PPP6R3: variants seen among roughly 807,000 people sequenced by gnomAD.
The protein encoded by PPP6R3 is serine/threonine-protein phosphatase 6 regulatory subunit 3.
In PPP6R3, 38 loss-of-function variants were observed where a neutral mutation model predicts 110.7. The observed-to-expected ratio is 0.34, with a 90% CI of 0.26 to 0.45. The LOEUF (loss-of-function observed/expected upper bound fraction) is 0.45, where lower values mean the gene tolerates loss of function less well. Among genes scored for constraint, PPP6R3 ranks in the 20% least tolerant of loss-of-function variants. The pLI is 1.00. For synonymous variants in PPP6R3, 369 were observed against 373.5 expected (o/e 0.99, Z 0.14); for missense variants, 870 against 1,062.4 (o/e 0.82, Z 2.52).
At chr11:68,595,496 G>A (rs189858331) in intron 18 of PPP6R3, among the ~76,000 whole-genome samples, 7 of 152,114 alleles carry the variant, frequency 4.6e-5, no homozygotes, top group South Asian at 2.1e-4. Flanking sequence ...GATTACAGGC[G>A]TGAGCCACCA....
intron 1 of PPP6R3, among the ~76,000 whole-genome samples, chr11:68,509,385 G>A (rs900310945): frequency 4.6e-5 from 7 of 151,838 alleles, no homozygotes; most frequent in African/African-American, 1.5e-4. Flanking sequence ...CTTCAACCGT[G>A]CTTGTCTGAC....
rs891639598 is a variant in PPP6R3, at chr11:68,509,809, G to A, written c.-157-9692G>A. On this transcript the variant is annotated intron_variant, in intron 1 of 23. Transcript: ENST00000393800. ...TCGTTGCCCAGTTTGGAGTGCAATG[G>A]CACAATCTCGGCCCACTGCAACCCT... Among the ~76,000 whole-genome samples, 3 of 140,286 alleles carry A rather than the reference G, an allele frequency of 2.1e-5. No homozygotes were observed. The Admixed American group carries it at 2.4e-4, about 11-fold the overall frequency. The allele number at this position is 140,286 out of a possible 152,430, so 92.0% of individuals were successfully genotyped here.
intron 12 of PPP6R3, among the ~76,000 whole-genome samples, chr11:68,573,691 C>T (rs775063885): frequency 6.6e-6 from 1 of 152,060 alleles, no homozygotes; most frequent in African/African-American, 2.4e-5. Context: ...AGAAAATGAA[C>T]CAGCAGAATT....
At chr11:68,462,852 G>A (rs2098718062) in intron 1 of PPP6R3, among the ~76,000 whole-genome samples, 1 of 152,266 alleles carries the variant, frequency 6.6e-6, no homozygotes, top group East Asian at 1.9e-4. Flanking sequence ...TGTTTTGATG[G>A]ACTCAGTCTT....
intron 15 of PPP6R3, chr11:68,587,188 C>G (rs867490689): frequency 3.4e-5 from 5 of 145,656 alleles, no homozygotes; most frequent in Non-Finnish European, 7.6e-5. Context: ...CCCCCCCCCC[C>G]ACATTTTCAA....
At chr11:68,551,266 A>G in intron 6 of PPP6R3, 80 bp downstream of exon 6, 3 of 1,049,014 alleles carry the variant, frequency 2.9e-6, no homozygotes, top group Non-Finnish European at 4.3e-6. Flanking sequence ...GCATACTTAT[A>G]TTAAATGTGA....
At chr11:68,569,412 C>G (rs530779078) in intron 10 of PPP6R3, among the ~76,000 whole-genome samples, 1 of 152,220 alleles carries the variant, frequency 6.6e-6, no homozygotes, top group East Asian at 1.9e-4. Flanking sequence ...ATAAATTAAG[C>G]ACAGGAAGAG....
At chr11:68,475,658 G>A (rs1350300346) in intron 1 of PPP6R3, among the ~76,000 whole-genome samples, 21 of 146,830 alleles carry the variant, frequency 1.4e-4, no homozygotes, top group South Asian at 2.2e-4. Context: ...CCTCCCGGAC[G>A]GGGCGGCTGG....
intron 1 of PPP6R3, among the ~76,000 whole-genome samples, chr11:68,473,807 C>G (rs1023146834): frequency 1.3e-5 from 2 of 152,102 alleles, no homozygotes; most frequent in African/African-American, 2.4e-5. Flanking sequence ...TTATTTTTGT[C>G]TCTTTATTAC....
At chr11:68,583,531 C>G (rs542606252) in intron 15 of PPP6R3, among the ~76,000 whole-genome samples, 1 of 152,168 alleles carries the variant, frequency 6.6e-6, no homozygotes, top group Non-Finnish European at 1.5e-5. Flanking sequence ...TAAACTCTCA[C>G]GAATACCCCT....
intron 8 of PPP6R3, among the ~76,000 whole-genome samples, chr11:68,560,749 T>G (rs1380831129): frequency 6.6e-6 from 1 of 152,206 alleles, no homozygotes; most frequent in Non-Finnish European, 1.5e-5. Flanking sequence ...TATTTGTTCC[T>G]CTGTATCTGC....
intron 6 of PPP6R3, among the ~76,000 whole-genome samples, 198 bp from the exon 7 acceptor site, chr11:68,553,947 G>A (rs772857711): frequency 7.9e-5 from 12 of 152,234 alleles, no homozygotes; most frequent in Middle Eastern, 3.4e-3. Context: ...GTAATGTACT[G>A]TGCACTATTA....
At chr11:68,481,948 G>A (rs1055875033) in intron 1 of PPP6R3, among the ~76,000 whole-genome samples, 1 of 152,112 alleles carries the variant, frequency 6.6e-6, no homozygotes, top group Non-Finnish European at 1.5e-5. Flanking sequence ...TGGCCATAGC[G>A]GTTAGGAAGA....
chr11:68,509,400 C>G (rs1030467159), intron 1 of PPP6R3, among the ~76,000 whole-genome samples: 15 of 151,720 alleles, frequency 9.9e-5, no homozygotes. Flanking sequence ...TCTGACTTCT[C>G]CTTCACCATC....
rs905482326 is a variant in PPP6R3 at position 68,614,277 on chromosome 11, G to A, written c.*1160G>A. On this transcript the variant is annotated 3_prime_UTR_variant, in exon 24 of 24. Transcript: ENST00000393800. ...TAGTGATTATGGATACTAATTCAATGTAATTTATAATTTTCTATGTCAATA... is the reference window on the plus strand; with the variant it reads ...TAGTGATTATGGATACTAATTCAATATAATTTATAATTTTCTATGTCAATA... 1.9e-6 allele frequency: 2 copies of A among 1,035,330 alleles called. No individual in the cohort carries two copies. The highest frequency in any genetic ancestry group is 1.7e-5 in the African/African-American group (1 of 57,512). 64.1% of individuals were successfully genotyped at this position (1,035,330 alleles called of 1,614,324 possible). A position where few individuals can be genotyped will look rare whatever the true frequency, so the allele number is the denominator to read the frequency against.
intron 1 of PPP6R3, among the ~76,000 whole-genome samples, chr11:68,508,035 A>G (rs1442723338): frequency 8.2e-6 from 1 of 122,146 alleles, no homozygotes; most frequent in Non-Finnish European, 1.7e-5. Flanking sequence ...GCAACACCTC[A>G]TGTGTAAAAA....
At chr11:68,588,105 T>G in intron 16 of PPP6R3, 81 bp downstream of exon 16, 1 of 1,283,636 alleles carries the variant, frequency 7.8e-7, no homozygotes, top group Non-Finnish European at 1.1e-6. Flanking sequence ...TGCGGGATTC[T>G]TAGTCTTGAG....
intron 3 of PPP6R3, 145 bp from the exon 4 acceptor site, chr11:68,544,693 C>A: frequency 1.7e-6 from 1 of 597,692 alleles, no homozygotes; most frequent in Non-Finnish European, 2.8e-6. Context: ...GTAGGTTGAA[C>A]AGAATGGATT....
At chr11:68,541,285 C>G (rs1034883904) in intron 3 of PPP6R3, among the ~76,000 whole-genome samples, 6 of 152,180 alleles carry the variant, frequency 3.9e-5, no homozygotes, top group African/African-American at 1.4e-4. Context: ...AGTGCTCTGC[C>G]TGCTCTGTGG....
Sources: allele counts gnomAD v4.1 joint callset (sites outside exome capture counted in the v4.1 genomes callset), GRCh38; gene constraint gnomAD v4.1.1; transcripts MANE v1.5; gene names NCBI Gene and HGNC (gene_info 2026-07-23, HGNC 2026-07-21).